The following PLPP4 variants were observed in gnomAD, a reference collection of about 807,000 sequenced individuals.
PLPP4 encodes phospholipid phosphatase 4.
PLPP4 carries 20 observed loss-of-function variants against 32.2 expected under a neutral mutation model. That is an observed-to-expected ratio of 0.62 (90% CI 0.44 to 0.90). The LOEUF is 0.90. Ranked by LOEUF, PLPP4 falls within the 40% of genes least tolerant of loss-of-function variation. The probability of loss-of-function intolerance (pLI) is 0.00; values close to 1 mark genes in which losing one functional copy is unlikely to be tolerated. For synonymous variants in PLPP4, 127 were observed against 133.0 expected, an observed-to-expected ratio of 0.95 and a Z score of 0.31; for missense variants, 257 against 353.1, an observed-to-expected ratio of 0.73 and a Z score of 2.18.
intron 1 of PLPP4, among the ~76,000 whole-genome samples, chr10:120,472,802 T>A (rs543925686): frequency 6.6e-6 from 1 of 152,286 alleles, no homozygotes; most frequent in South Asian, 2.1e-4. Flanking sequence ...TCTCTGTGGC[T>A]CAGTTTAAGA....
chr10:120,574,364 T>C (rs945648876), intron 5 of PLPP4, among the ~76,000 whole-genome samples: 2 of 152,048 alleles, frequency 1.3e-5, no homozygotes, highest in Non-Finnish European at 2.9e-5. Flanking sequence ...CCAACTTAAA[T>C]CTCACTGAGC....
chr10:120,555,558 G>T (rs1384316787), intron 5 of PLPP4, among the ~76,000 whole-genome samples: 2 of 152,168 alleles, frequency 1.3e-5, no homozygotes, highest in South Asian at 4.1e-4. Flanking sequence ...ATAGCTCTCT[G>T]CTGCTCAGCC....
chr10:120,524,419 C>A (rs1239840541), intron 5 of PLPP4, among the ~76,000 whole-genome samples: 4 of 152,086 alleles, frequency 2.6e-5, no homozygotes, highest in Non-Finnish European at 2.9e-5. Context: ...GAGTTCTGGA[C>A]TGAGGGATCT....
At chr10:120,520,083 T>TGG (rs1043762952) in intron 4 of PLPP4, among the ~76,000 whole-genome samples, 23 of 152,356 alleles carry the variant, frequency 1.5e-4, no homozygotes, top group African/African-American at 5.5e-4. Flanking sequence ...AAGGATTATA[T>TGG]GGCACAGCAG....
intron 1 of PLPP4, among the ~76,000 whole-genome samples, chr10:120,475,979 G>C (rs1452355792): frequency 6.6e-6 from 1 of 152,294 alleles, no homozygotes; most frequent in Admixed American, 6.5e-5. Context: ...CTGCAGGCTC[G>C]GACATGCATT....
intron 5 of PLPP4, among the ~76,000 whole-genome samples, chr10:120,568,205 G>C (rs1021231062): frequency 2.6e-5 from 4 of 152,192 alleles, no homozygotes; most frequent in Non-Finnish European, 5.9e-5. Context: ...TGTCCCTATT[G>C]GTCAGCATTT....
chr10:120,490,119 A>C (rs1162918767), intron 1 of PLPP4, among the ~76,000 whole-genome samples: 1 of 152,184 alleles, frequency 6.6e-6, no homozygotes, highest in African/African-American at 2.4e-5. Flanking sequence ...GGAGACTTAA[A>C]GTGAGCAGCT....
At chr10:120,577,860 G>C (rs1849295502) in intron 6 of PLPP4, among the ~76,000 whole-genome samples, 1 of 152,162 alleles carries the variant, frequency 6.6e-6, no homozygotes, top group South Asian at 2.1e-4. Flanking sequence ...TTTTACCTGA[G>C]TTCCCCTTCA....
chr10:120,575,089 T>C (rs748582001), intron 5 of PLPP4, 42 bp from the exon 6 acceptor site: 1 of 1,589,306 alleles, frequency 6.3e-7, no homozygotes, highest in Non-Finnish European at 8.6e-7. Context: ...TCCCTGCCAC[T>C]CACCACCTGC....
At chr10:120,486,918 G>A (rs1240847444) in intron 1 of PLPP4, among the ~76,000 whole-genome samples, 3 of 152,236 alleles carry the variant, frequency 2.0e-5, no homozygotes, top group Non-Finnish European at 4.4e-5. Flanking sequence ...GGTCCCAGGT[G>A]TATGGACAGA....
Position 120,570,265 on chromosome 10 carries a change from C to T in PLPP4, c.446-4866C>T, listed in dbSNP as rs76017175. 1.7e-3 allele frequency among the ~76,000 whole-genome samples: 256 copies of T among 152,044 alleles called. 2 individuals carry two copies. Among genetic ancestry groups the T allele is most frequent in the African/African-American group, 5.4e-3 (223 of 41,480 alleles). On this transcript the variant is annotated intron_variant, in intron 5 of 6. Coordinates refer to ENST00000398250, the MANE Select transcript of PLPP4 (RefSeq NM_001030059.3). ...ACCAGGCAGGCTTGTTTCCCACATC[C>T]TTTTTTTCAAATGGTCTTCTGGAGA...
chr10:120,457,833 T>A (rs1847861366), intron 1 of PLPP4, among the ~76,000 whole-genome samples: 1 of 152,190 alleles, frequency 6.6e-6, no homozygotes, highest in Non-Finnish European at 1.5e-5. Flanking sequence ...CCCGCGGTCC[T>A]GGCGAGCGTT....
At chr10:120,500,872 G>A (rs1354334096) in intron 1 of PLPP4, among the ~76,000 whole-genome samples, 2 of 152,082 alleles carry the variant, frequency 1.3e-5, no homozygotes, top group Non-Finnish European at 1.5e-5. Flanking sequence ...GTGGGAAGAG[G>A]TTCTCTCCCC....
chr10:120,531,048 A>G (rs1177850315), intron 5 of PLPP4, among the ~76,000 whole-genome samples: 1 of 151,648 alleles, frequency 6.6e-6, no homozygotes, highest in Non-Finnish European at 1.5e-5. Flanking sequence ...AAGAAAGAAT[A>G]GAAGAAAGAA....
At chr10:120,552,178 G>A (rs1847936829) in intron 5 of PLPP4, among the ~76,000 whole-genome samples, 1 of 147,830 alleles carries the variant, frequency 6.8e-6, no homozygotes, top group African/African-American at 2.6e-5. Flanking sequence ...GTGTGTGTGT[G>A]TGTGTGTGTG....
intron 5 of PLPP4, among the ~76,000 whole-genome samples, chr10:120,540,173 T>G (rs1231170416): frequency 6.6e-6 from 1 of 152,184 alleles, no homozygotes; most frequent in African/African-American, 2.4e-5. Context: ...ATTTGCTGAC[T>G]CTGGAGAGAG....
Position 120,466,194 on chromosome 10 carries a change from G to A in PLPP4, c.56+8833G>A, listed in dbSNP as rs185413842. ...TTGTAGAAAGCATGTAATGGGCCTGGCAAGTGACAGGGCCTGGCAAATGGG... is the reference window on the plus strand; with the variant it reads ...TTGTAGAAAGCATGTAATGGGCCTGACAAGTGACAGGGCCTGGCAAATGGG... On this transcript the variant is annotated intron_variant, in intron 1 of 6. Coordinates refer to ENST00000398250, the MANE Select transcript of PLPP4 (RefSeq NM_001030059.3). 4.6e-5 allele frequency among the ~76,000 whole-genome samples: 7 copies of A among 152,264 alleles called. No individual in the cohort carries two copies. The East Asian group carries it at 1.4e-3, about 29-fold the overall frequency.
chr10:120,509,385 T>C (rs914055220), intron 2 of PLPP4, among the ~76,000 whole-genome samples: 9 of 152,216 alleles, frequency 5.9e-5, no homozygotes. Context: ...CATTTTTTTT[T>C]GTACAGAGCT....
At chr10:120,540,167 G>T (rs1233885548) in intron 5 of PLPP4, among the ~76,000 whole-genome samples, 2 of 151,974 alleles carry the variant, frequency 1.3e-5, no homozygotes, top group East Asian at 3.9e-4. Flanking sequence ...GACTACATTT[G>T]CTGACTCTGG....
Sources: gnomAD v4.1 joint callset for allele counts (sites outside exome capture counted in the v4.1 genomes callset) on GRCh38, gnomAD v4.1.1 for gene constraint, MANE v1.5 for transcripts, NCBI Gene and HGNC (gene_info 2026-07-23, HGNC 2026-07-21) for gene names.